CMC2: variants seen among roughly 807,000 people sequenced by gnomAD.
CMC2 encodes the protein C-X9-C motif containing 2.
CMC2 carries 5 observed loss-of-function variants against 7.5 expected under a neutral mutation model. That is an observed-to-expected ratio of 0.66 (90% CI 0.35 to 1.40). CMC2 has a LOEUF of 1.40. Ranked by LOEUF, CMC2 falls within the 40% of genes most tolerant of loss-of-function variation. The probability of loss-of-function intolerance (pLI) is 0.04; values close to 1 mark genes in which losing one functional copy is unlikely to be tolerated. For synonymous variants in CMC2, 37 were observed against 31.4 expected (o/e 1.18, Z -0.60); for missense variants, 115 against 92.3 (o/e 1.25, Z -1.01).
At chr16:80,992,705 C>CTT (rs71390989) in intron 2 of CMC2, among the ~76,000 whole-genome samples, 8,634 of 91,680 alleles carry the variant, frequency 0.094, 1,004 homozygotes, top group African/African-American at 0.25. Context: ...ATTCCCCCTC[C>CTT]TTTTTTTTTT....
intron 1 of CMC2, among the ~76,000 whole-genome samples, chr16:81,000,875 CA>C (rs1968814920): frequency 6.6e-6 from 1 of 152,040 alleles, no homozygotes; most frequent in African/African-American, 2.4e-5. Context: ...AACCGTTTTA[CA>C]AAAAGAAAAA....
At chr16:80,979,806 A>G (rs1966982505) in intron 3 of CMC2, among the ~76,000 whole-genome samples, 1 of 150,408 alleles carries the variant, frequency 6.6e-6, no homozygotes, top group African/African-American at 2.5e-5. Flanking sequence ...TACTTTCAGT[A>G]GAGCTGGGTT....
At chr16:80,978,207 G>GGTAT (rs1209287488) in intron 3 of CMC2, 7 of 938,470 alleles carry the variant, frequency 7.5e-6, no homozygotes, top group Non-Finnish European at 9.0e-6. Flanking sequence ...GAACAAGGAA[G>GGTAT]GATACCTGCT....
chr16:81,003,735 CG>C (rs1204284364), intron 1 of CMC2, among the ~76,000 whole-genome samples: 2 of 152,156 alleles, frequency 1.3e-5, no homozygotes, highest in African/African-American at 4.8e-5. Flanking sequence ...AAGCAGCCAA[CG>C]TAATACTATC....
intron 2 of CMC2, among the ~76,000 whole-genome samples, chr16:80,991,591 A>C (rs577853399): frequency 6.6e-6 from 1 of 152,150 alleles, no homozygotes; most frequent in East Asian, 1.9e-4. Context: ...CAGTAAGCCA[A>C]AATGACACTA....
At position 80,973,369 on chromosome 16, in the gene CMC2, C is replaced by T. The variant is rs1912065967; in HGVS notation, c.*2724G>A. 6.6e-6 allele frequency: 1 copy of T among 152,166 alleles called. No individual in the cohort carries two copies. Among genetic ancestry groups the T allele is most frequent in the African/African-American group, 2.4e-5 (1 of 41,426 alleles). The allele number at this position is 152,166 out of a possible 1,614,324, so 9.4% of individuals were successfully genotyped here. ...CTACGGAGGAAGTGTTTCCAATACC[C>T]CAATTTGGGTGCACTTGAGAGAAAA... is the stretch of plus-strand genomic sequence containing the variant. On this transcript the variant is annotated 3_prime_UTR_variant, in exon 4 of 4. Coordinates refer to ENST00000219400, the MANE Select transcript of CMC2 (RefSeq NM_020188.5).
Position 80,968,209 on chromosome 16 carries a change from G to A in CMC2, c.*7884C>T, listed in dbSNP as rs1217770627. On this transcript the variant is annotated 3_prime_UTR_variant, in exon 4 of 4. Transcript: ENST00000219400. ...AGATTCTCAGTTAGTAGGTCAGGGT[G>A]GGGTCTAAAACTCTCCATTTCTTTT... The A allele has an allele frequency of 6.6e-6, 1 of 151,432 alleles. No individual in the cohort carries two copies. Among genetic ancestry groups the A allele is most frequent in the African/African-American group, 2.4e-5 (1 of 40,892 alleles). The allele number at this position is 151,432 out of a possible 1,614,324, so 9.4% of individuals were successfully genotyped here.
In CMC2 at chr16:80,967,529, C is replaced by G. The variant is rs7186947; in HGVS notation, c.*8564G>C. On this transcript the variant is annotated 3_prime_UTR_variant, in exon 4 of 4. Coordinates refer to ENST00000219400, the MANE Select transcript of CMC2 (RefSeq NM_020188.5). ...TAATTTTTTGTATTTTTAGTAGAGA[C>G]GGGGTTTCACCGTGTTAGCCAGGAT... The G allele has an allele frequency of 0.16, 24,351 of 152,094 alleles. 2,483 individuals are homozygous for G. Among genetic ancestry groups the G allele is most frequent in the African/African-American group, 0.3 (12,365 of 41,418 alleles). The allele number at this position is 152,094 out of a possible 1,614,324, so 9.4% of individuals were successfully genotyped here.
In CMC2 at chr16:80,967,326, C is replaced by G. The variant is rs572869587; in HGVS notation, c.*8767G>C. ...AATTGTATCTGCTTTGAAAAGATAT[C>G]CTCGTTTTTTGTTTTGTTTTGTTTT... On this transcript the variant is annotated 3_prime_UTR_variant, in exon 4 of 4. Coordinates refer to ENST00000219400, the MANE Select transcript of CMC2 (RefSeq NM_020188.5). 12 of 153,110 alleles carry G rather than the reference C, an allele frequency of 7.8e-5. No homozygotes were observed. Among genetic ancestry groups the G allele is most frequent in the South Asian group, 4.1e-4 (2 of 4,834 alleles). The allele number at this position is 153,110 out of a possible 1,614,324, so 9.5% of individuals were successfully genotyped here.
At position 80,972,371 on chromosome 16, in the gene CMC2, T is replaced by G. The variant is rs1911992420; in HGVS notation, c.*3722A>C. 1 of 152,164 alleles carries G rather than the reference T, an allele frequency of 6.6e-6. No individual in the cohort carries two copies. Among genetic ancestry groups the G allele is most frequent in the Admixed American group, 6.5e-5 (1 of 15,270 alleles). The allele number at this position is 152,164 out of a possible 1,614,324, so 9.4% of individuals were successfully genotyped here. Reference sequence around the variant, plus strand: ...ACAGTGAGGATTTTTTGTTTTTCGTTTTTTTTGTTTTTTTCTAAGAACAGA... The same window carrying G: ...ACAGTGAGGATTTTTTGTTTTTCGTGTTTTTTGTTTTTTTCTAAGAACAGA... On this transcript the variant is annotated 3_prime_UTR_variant, in exon 4 of 4. Coordinates refer to ENST00000219400, the MANE Select transcript of CMC2 (RefSeq NM_020188.5).
intron 2 of CMC2, among the ~76,000 whole-genome samples, chr16:80,995,634 G>A (rs1247229729): frequency 6.6e-6 from 1 of 152,200 alleles, no homozygotes; most frequent in African/African-American, 2.4e-5. Flanking sequence ...TCTAGGTTGG[G>A]TGACAGAGTG....
intron 1 of CMC2, among the ~76,000 whole-genome samples, chr16:81,003,701 T>C (rs1969028794): frequency 6.6e-6 from 1 of 152,188 alleles, no homozygotes; most frequent in Non-Finnish European, 1.5e-5. Context: ...GTTCAAAAGG[T>C]AGTCATTCTA....
At chr16:80,991,752 A>AC (rs1233211365) in intron 2 of CMC2, 1 of 329,084 alleles carries the variant, frequency 3.0e-6, no homozygotes, top group Non-Finnish European at 6.0e-6. Flanking sequence ...AATGTACTTT[A>AC]CCTCTGTGGT....
intron 1 of CMC2, among the ~76,000 whole-genome samples, chr16:81,002,515 A>C (rs1486910454): frequency 6.6e-6 from 1 of 152,214 alleles, no homozygotes; most frequent in Non-Finnish European, 1.5e-5. Context: ...ATATTTTTGC[A>C]CATTTCTATC....
In CMC2 at chr16:81,001,023, G is replaced by A. The variant is rs1013866946; in HGVS notation, c.-35-3594C>T. On this transcript the variant is annotated intron_variant, in intron 1 of 3. Transcript: ENST00000219400. ...GGAATACTAAACAGCCATAAAAAAG[G>A]ACGAAATTATGTCCTTTGCAGCAAC... 3.3e-5 allele frequency among the ~76,000 whole-genome samples: 5 copies of A among 152,182 alleles called. 1 individual carries two copies. Among genetic ancestry groups the A allele is most frequent in the Admixed American group, 2.6e-4 (4 of 15,274 alleles).
chr16:80,999,452 A>T (rs1374874784), intron 1 of CMC2, among the ~76,000 whole-genome samples: 1 of 152,232 alleles, frequency 6.6e-6, no homozygotes, highest in Non-Finnish European at 1.5e-5. Flanking sequence ...GTGCTCATGG[A>T]TTGGGAGAAT....
intron 1 of CMC2, among the ~76,000 whole-genome samples, chr16:81,000,201 A>G (rs1269430035): frequency 6.6e-6 from 1 of 152,230 alleles, no homozygotes; most frequent in Non-Finnish European, 1.5e-5. Flanking sequence ...TAATCCCATT[A>G]AAAAGTGGGC....
chr16:80,977,105 G>A (rs142346672), intron 3 of CMC2, among the ~76,000 whole-genome samples: 38 of 152,240 alleles, frequency 2.5e-4, no homozygotes, highest in African/African-American at 8.2e-4. Context: ...TTATCCTATT[G>A]ACTCATATGG....
chr16:81,004,673 G>T (rs2549871), intron 1 of CMC2, among the ~76,000 whole-genome samples: 1 of 152,044 alleles, frequency 6.6e-6, no homozygotes, highest in Admixed American at 6.5e-5. Flanking sequence ...TTTTCCTGGG[G>T]AGTAAGCTGG....
Sources: allele counts gnomAD v4.1 joint callset (sites outside exome capture counted in the v4.1 genomes callset), GRCh38; gene constraint gnomAD v4.1.1; transcripts MANE v1.5; gene names NCBI Gene and HGNC (gene_info 2026-07-23, HGNC 2026-07-21).